UNC13C: variants seen among roughly 807,000 people sequenced by gnomAD.
The protein encoded by UNC13C is unc-13 homolog C.
Under a neutral mutation model 245.4 loss-of-function variants are expected in UNC13C, and 174 were observed. The ratio of observed to expected loss-of-function variants is 0.71; its 90% confidence interval spans 0.63 to 0.80. The LOEUF is 0.80. UNC13C is among the 30% of genes least tolerant of loss of function. The probability of loss-of-function intolerance (pLI) is 0.00; values close to 1 mark genes in which losing one functional copy is unlikely to be tolerated. For synonymous variants in UNC13C, 992 were observed against 895.1 expected (o/e 1.11, Z -1.93); for missense variants, 2,829 against 2,602.9 (o/e 1.09, Z -1.89).
intron 30 of UNC13C, among the ~76,000 whole-genome samples, chr15:54,615,142 G>A (rs1478193070): frequency 6.6e-6 from 1 of 151,938 alleles, no homozygotes; most frequent in Non-Finnish European, 1.5e-5. Context: ...ATACAGGCAT[G>A]CAATGTGAAA....
rs8040827 is a variant in UNC13C at position 54,455,191 on chromosome 15, C to A, written c.4934-39417C>A. On this transcript the variant is annotated intron_variant, in intron 19 of 32. Transcript: ENST00000260323. ...TCTCTCTCTCTCTCTCTCTCTCTCT[C>A]TCTCTCTCTCTCTCTATATATATAT... Among the ~76,000 whole-genome samples, 188 of 39,846 alleles carry A rather than the reference C, an allele frequency of 4.7e-3. 1 individual carries two copies. Among genetic ancestry groups the A allele is most frequent in the East Asian group, 0.015 (11 of 738 alleles). 26.1% of individuals were successfully genotyped at this position (39,846 alleles called of 152,430 possible).
At chr15:53,997,478 C>A (rs1428118446) in intron 1 of UNC13C, among the ~76,000 whole-genome samples, 1 of 151,968 alleles carries the variant, frequency 6.6e-6, no homozygotes, top group Non-Finnish European at 1.5e-5. Context: ...TTTTCTATAC[C>A]TTTAGTTTGC....
intron 26 of UNC13C, among the ~76,000 whole-genome samples, 162 bp from the exon 27 acceptor site, chr15:54,546,560 G>C (rs1896489268): frequency 6.6e-6 from 1 of 152,080 alleles, no homozygotes; most frequent in South Asian, 2.1e-4. Flanking sequence ...ATCAAATATA[G>C]AGAATTATCT....
chr15:54,050,574 A>G (rs1897234429), intron 2 of UNC13C: 1 of 435,276 alleles, frequency 2.3e-6, no homozygotes, highest in East Asian at 5.8e-5. Flanking sequence ...GTGAGCTGCT[A>G]CACTTTTTTC....
chr15:54,387,584 C>T (rs1199496369), intron 17 of UNC13C, among the ~76,000 whole-genome samples: 1 of 152,100 alleles, frequency 6.6e-6, no homozygotes, highest in Non-Finnish European at 1.5e-5. Context: ...TCCTGCTGAT[C>T]TCCTACCTCA....
In UNC13C at chr15:54,627,660, T is replaced by C. The variant is rs77133106; in HGVS notation, c.*547T>C. The C allele has an allele frequency of 6.6e-6, 1 of 152,604 alleles. No homozygotes were observed. Among genetic ancestry groups the C allele is most frequent in the African/African-American group, 2.4e-5 (1 of 41,444 alleles). 9.5% of individuals were successfully genotyped at this position (152,604 alleles called of 1,614,324 possible). On this transcript the variant is annotated 3_prime_UTR_variant, in exon 33 of 33. Transcript: ENST00000260323. ...GTGGGAAATATTTTCTGCTGACCAGTTTCCAACCTTTCTGAAATATCACTG... is the reference window on the plus strand; with the variant it reads ...GTGGGAAATATTTTCTGCTGACCAGCTTCCAACCTTTCTGAAATATCACTG...
chr15:54,179,247 A>T (rs2033717274), intron 4 of UNC13C, among the ~76,000 whole-genome samples: 1 of 152,174 alleles, frequency 6.6e-6, no homozygotes, highest in African/African-American at 2.4e-5. Context: ...ACAATAAAAA[A>T]TTATTGAAAA....
intron 17 of UNC13C, among the ~76,000 whole-genome samples, chr15:54,364,357 T>A (rs1001877659): frequency 1.3e-5 from 2 of 152,130 alleles, no homozygotes; most frequent in Non-Finnish European, 2.9e-5. Context: ...TAGTCATATT[T>A]TATTTATAAG....
At chr15:54,612,584 C>T (rs1818711) in intron 30 of UNC13C, among the ~76,000 whole-genome samples, 111,685 of 151,886 alleles carry the variant, frequency 0.74, 42,225 homozygotes, top group African/African-American at 0.93. Context: ...AGTAAAAACT[C>T]CTCCTAGAAC....
chr15:54,431,499 T>G (rs1258696474), intron 19 of UNC13C, among the ~76,000 whole-genome samples: 1 of 151,704 alleles, frequency 6.6e-6, no homozygotes, highest in Non-Finnish European at 1.5e-5. Context: ...GGTTTTATCT[T>G]AAACTCTGAA....
At chr15:54,218,095 C>A (rs1183550806) in intron 4 of UNC13C, among the ~76,000 whole-genome samples, 1 of 151,854 alleles carries the variant, frequency 6.6e-6, no homozygotes, top group Admixed American at 6.6e-5. Context: ...TCCCTGTGAA[C>A]AAACAAAATG....
At chr15:53,967,357 T>C in the UNC13C span, among the ~76,000 whole-genome samples, 22 of 152,130 alleles carry the variant, frequency 1.4e-4, 1 homozygote, top group South Asian at 2.9e-3. Context: ...TTGTTTTTTT[T>C]CGAATCGTCA....
intron 4 of UNC13C, among the ~76,000 whole-genome samples, chr15:54,193,772 G>T (rs777633457): frequency 9.2e-5 from 14 of 152,158 alleles, no homozygotes; most frequent in Non-Finnish European, 2.1e-4. Context: ...TCCCTACAAA[G>T]ATTTCCCTGT....
intron 17 of UNC13C, among the ~76,000 whole-genome samples, chr15:54,357,591 G>A (rs1339910617): frequency 1.3e-5 from 2 of 151,976 alleles, no homozygotes; most frequent in African/African-American, 4.8e-5. Context: ...AATTGAAGAG[G>A]TTTCAGCATA....
chr15:54,616,046 GGATACCTA>G (rs1190455554), intron 30 of UNC13C, among the ~76,000 whole-genome samples: 1 of 151,918 alleles, frequency 6.6e-6, no homozygotes, highest in East Asian at 1.9e-4. Context: ...TTTAAAGTTA[GGATACCTA>G]AATTCCCAAG....
chr15:54,380,846 A>C (rs530811876), intron 17 of UNC13C, among the ~76,000 whole-genome samples: 1 of 152,180 alleles, frequency 6.6e-6, no homozygotes, highest in African/African-American at 2.4e-5. Context: ...ATGTCTTACA[A>C]ATTTTGGGTA....
chr15:54,066,741 C>A (rs1898093786), intron 2 of UNC13C, among the ~76,000 whole-genome samples: 1 of 151,994 alleles, frequency 6.6e-6, no homozygotes, highest in African/African-American at 2.4e-5. Context: ...AGAGATGAGG[C>A]CAGTGGCTAC....
chr15:53,881,355 G>A, the UNC13C span, among the ~76,000 whole-genome samples: 1 of 152,112 alleles, frequency 6.6e-6, no homozygotes, highest in African/African-American at 2.4e-5. Flanking sequence ...TGTCAAAGTG[G>A]CCATTAAGTA....
At chr15:53,932,831 A>G in the UNC13C span, among the ~76,000 whole-genome samples, 2 of 152,176 alleles carry the variant, frequency 1.3e-5, no homozygotes, top group Non-Finnish European at 2.9e-5. Flanking sequence ...TCAGAACTTT[A>G]AAACCCACAT....
Sources: allele counts gnomAD v4.1 joint callset (sites outside exome capture counted in the v4.1 genomes callset), GRCh38; gene constraint gnomAD v4.1.1; transcripts MANE v1.5; gene names NCBI Gene and HGNC (gene_info 2026-07-23, HGNC 2026-07-21).